DERPC: variants seen among roughly 807,000 people sequenced by gnomAD.
The protein encoded by DERPC is DERPC proline and glycine rich nuclear protein.
DERPC carries 1 observed loss-of-function variant against 7.2 expected under a neutral mutation model. The ratio of observed to expected loss-of-function variants is 0.14; its 90% confidence interval spans 0.05 to 0.66. DERPC has a LOEUF of 0.66. Among genes scored for constraint, DERPC ranks in the 30% least tolerant of loss-of-function variants. The pLI, the probability that DERPC is intolerant of heterozygous loss-of-function variation, is 0.84. For synonymous variants in DERPC, 185 were observed against 117.6 expected, an observed-to-expected ratio of 1.57 and a Z score of -3.71; for missense variants, 502 against 299.4, an observed-to-expected ratio of 1.68 and a Z score of -4.99.
intron 1 of DERPC, among the ~76,000 whole-genome samples, chr16:69,127,239 CAAA>C (rs532264036): frequency 1.3e-4 from 14 of 108,800 alleles, no homozygotes; most frequent in Middle Eastern, 4.9e-3. Context: ...AACTCCGTCT[CAAA>C]AAAAAAAAAA....
intron 1 of DERPC, among the ~76,000 whole-genome samples, chr16:69,128,686 C>G (rs1312974570): frequency 6.6e-6 from 1 of 152,214 alleles, no homozygotes; most frequent in Non-Finnish European, 1.5e-5. Flanking sequence ...AACTAAAAAG[C>G]TTTGGCTGTA....
chr16:69,119,421 C>T lies in DERPC; in HGVS notation c.1008G>A (p.Arg336=), dbSNP rs1034897285. ...LPGPNPSPMS[R]APGPIGPNSA... is the part of the protein sequence containing the mutation. The stretch of plus-strand genomic sequence containing the variant: ...AATTAGGGCCTATGGGGCCAGGAGC[C>T]CTTGACATGGGAGATGGATTTGGCC... The change falls in exon 3 of 3, where the codon AGG becomes AGA. Residue 336 remains arginine, a synonymous_variant. Coordinates refer to ENST00000519520, the MANE Select transcript of DERPC (RefSeq NM_001002847.4). 1 of 702,920 alleles carries T rather than the reference C, an allele frequency of 1.4e-6. No individual in the cohort carries two copies. The highest frequency in any genetic ancestry group is 2.6e-6 in the Non-Finnish European group (1 of 384,974). The allele number at this position is 702,920 out of a possible 1,614,324, so 43.5% of individuals were successfully genotyped here.
At chr16:69,126,926 A>G (rs1025936754) in intron 1 of DERPC, among the ~76,000 whole-genome samples, 4 of 152,174 alleles carry the variant, frequency 2.6e-5, no homozygotes, top group East Asian at 3.8e-4. Context: ...CAGGGAGTAT[A>G]TATTTCATTC....
In DERPC at chr16:69,120,402, T is replaced by G; in HGVS notation, c.27A>C (p.Arg9Ser). 1 of 1,613,090 alleles carries G rather than the reference T, an allele frequency of 6.2e-7. No homozygotes were observed. The highest frequency in any genetic ancestry group is 8.5e-7 in the Non-Finnish European group (1 of 1,179,072). The change falls in exon 3 of 3, where the codon AGA (arginine) becomes AGC (serine). Residue 9 changes from arginine (R) to serine (S), a missense_variant. Coordinates refer to ENST00000519520, the MANE Select transcript of DERPC (RefSeq NM_001002847.4). This position sits in a 1 kb window ranked among gnomAD's most constrained non-coding sequence, Gnocchi z 4.0. MKEPRIFP[R>S]ERPTPWTRAP... ...CACGAGTCCAAGGAGTTGGCCGCTC[T>G]CTAGGGAAAATCCGAGGTTCTTTCA...
rs970761465 is a variant in DERPC, at chr16:69,127,212, T to C, written c.-280+5272A>G. 7.5e-4 allele frequency among the ~76,000 whole-genome samples: 110 copies of C among 147,142 alleles called. 1 individual carries two copies. The highest frequency in any genetic ancestry group is 1.2e-3 in the Admixed American group (17 of 14,532). ...GAGATTGCGCCACCACACTCCAGCC[T>C]GGGCAACAAAGAGCAAAACTCCGTC... On this transcript the variant is annotated intron_variant, in intron 1 of 2. Transcript: ENST00000519520.
intron 1 of DERPC, chr16:69,132,132 C>T: frequency 6.4e-6 from 1 of 155,810 alleles, no homozygotes; most frequent in Non-Finnish European, 1.4e-5. Flanking sequence ...GTCCTCCGCC[C>T]GCGCTCGGCC....
rs533543523 is a variant in DERPC, at chr16:69,118,901, C to G, written c.1528G>C (p.Gly510Arg). 1 of 703,142 alleles carries G rather than the reference C, an allele frequency of 1.4e-6. No homozygotes were observed. Among genetic ancestry groups the G allele is most frequent in the Admixed American group, 2.0e-5 (1 of 50,026 alleles). The allele number at this position is 703,142 out of a possible 1,614,324, so 43.6% of individuals were successfully genotyped here. A position where few individuals can be genotyped will look rare whatever the true frequency, so the allele number is the denominator to read the frequency against. ...GGGTACATTGCAGCCATTGGACCCC[C>G]TGGTCTGGGGAAAGCAGCTGGGTTT... is the stretch of plus-strand genomic sequence containing the variant. ...GTNPAAFPRP[G>R]GPMAAMYPNG... The change falls in exon 3 of 3, where the codon GGG becomes CGG. Residue 510 changes from glycine to arginine, a missense_variant. Physicochemically the swap from Gly to Arg is moderately radical, Grantham distance 125 (BLOSUM62 -2). Transcript: ENST00000519520.
intron 1 of DERPC, among the ~76,000 whole-genome samples, chr16:69,121,855 G>C (rs907103878): frequency 7.9e-5 from 12 of 152,172 alleles, no homozygotes; most frequent in African/African-American, 2.9e-4. Flanking sequence ...ATTTTTAGTA[G>C]AGATGGGGTT....
At position 69,120,487 on chromosome 16, in the gene DERPC, C is replaced by G. The variant is rs1597108750; in HGVS notation, c.-59G>C. 1.9e-6 allele frequency: 3 copies of G among 1,614,106 alleles called. No homozygotes were observed. The highest frequency in any genetic ancestry group is 2.2e-5 in the South Asian group (2 of 91,082). ...GGGCGGGTTTTGAAAAGGATCTTGT[C>G]TTTGATGAGTGCTGTCACCAGGTAC... On this transcript the variant is annotated 5_prime_UTR_variant, in exon 3 of 3. Transcript: ENST00000519520. The surrounding 1 kb of genome is among the most constrained non-coding windows in gnomAD (Gnocchi z 4.0).
rs1043187131 is a variant in DERPC at position 69,119,047 on chromosome 16, G to A, written c.1382C>T (p.Pro461Leu). 1.7e-5 allele frequency: 12 copies of A among 702,950 alleles called. No individual in the cohort carries two copies. Among genetic ancestry groups the A allele is most frequent in the South Asian group, 7.4e-5 (5 of 67,596 alleles). 43.5% of individuals were successfully genotyped at this position (702,950 alleles called of 1,614,324 possible). The change falls in exon 3 of 3, where the codon CCA becomes CTA. Residue 461 changes from proline to leucine, a missense_variant. Pro to Leu is a moderately conservative substitution (Grantham distance 98). Coordinates refer to ENST00000519520, the MANE Select transcript of DERPC (RefSeq NM_001002847.4). ...PSPAGPVGIN[P>L]APFTRPTGTL... ...CCCAGTTGGCCTTGTGAAAGGAGCT[G>A]GGTTGATACCCACAGGGCCAGCTGG... is the stretch of plus-strand genomic sequence containing the variant.
rs759592830 is a variant in DERPC at position 69,120,653 on chromosome 16, T to C, written c.-221-4A>G. On this transcript the variant is annotated splice_region_variant and splice_polypyrimidine_tract_variant and intron_variant, in intron 2 of 2. Transcript: ENST00000519520. The surrounding 1 kb of genome is among the most constrained non-coding windows in gnomAD (Gnocchi z 4.0). ...CCACGATCAGCACAGGGATTCCCTT[T>C]GGCAGAACAAGAACGAGATTCCTGA... 1.3e-5 allele frequency: 21 copies of C among 1,604,338 alleles called. 1 individual carries two copies. In the South Asian group the frequency reaches 2.1e-4, roughly 16 times the overall value.
At chr16:69,130,904 G>A (rs902122625) in intron 1 of DERPC, among the ~76,000 whole-genome samples, 1 of 152,128 alleles carries the variant, frequency 6.6e-6, no homozygotes, top group Admixed American at 6.5e-5. Context: ...ACTGCTTCAG[G>A]GATTAAGTTC....
chr16:69,124,422 GA>G (rs1489461675), intron 1 of DERPC, among the ~76,000 whole-genome samples: 1 of 151,984 alleles, frequency 6.6e-6, no homozygotes, highest in Non-Finnish European at 1.5e-5. Flanking sequence ...ATGTTAAACA[GA>G]TTTTTTTTTT....
chr16:69,119,612 G>A lies in DERPC; in HGVS notation c.817C>T (p.Leu273Phe), dbSNP rs1961464451. ...LNLRMAGPQG[L>F]DLAPILRAAG... is the part of the protein sequence containing the mutation. ...GCTCTTAGAATGGGGGCAAGATCGAGGCCTTGAGGTCCAGCCATTCTTAAG... is the reference window on the plus strand; with the variant it reads ...GCTCTTAGAATGGGGGCAAGATCGAAGCCTTGAGGTCCAGCCATTCTTAAG... The change falls in exon 3 of 3, where the codon CTC becomes TTC. Residue 273 changes from leucine (L) to phenylalanine (F), a missense_variant. Leu to Phe is a conservative substitution (Grantham distance 22). Coordinates refer to ENST00000519520, the MANE Select transcript of DERPC (RefSeq NM_001002847.4). 1 of 695,522 alleles carries A rather than the reference G, an allele frequency of 1.4e-6. No individual in the cohort carries two copies. The highest frequency in any genetic ancestry group is 2.6e-6 in the Non-Finnish European group (1 of 380,674). The allele number at this position is 695,522 out of a possible 1,614,324, so 43.1% of individuals were successfully genotyped here. A position where few individuals can be genotyped will look rare whatever the true frequency, so the allele number is the denominator to read the frequency against.
intron 1 of DERPC, chr16:69,131,286 G>A (rs2152273956): frequency 6.6e-6 from 1 of 152,236 alleles, no homozygotes; most frequent in Non-Finnish European, 1.5e-5. Context: ...ACGTTGGAGG[G>A]AATCAATTAC....
At position 69,132,545 on chromosome 16, in the gene DERPC, C is replaced by CCGCCGT. The variant is rs1325547360; in HGVS notation, c.-347_-342dup. ...CAACGGGCGACAACCGAACCTCCCG[C>CCGCCGT]CGCCGTCGCCGCCGCCGCGAGCACT... On this transcript the variant is annotated 5_prime_UTR_variant, in exon 1 of 3. Coordinates refer to ENST00000519520, the MANE Select transcript of DERPC (RefSeq NM_001002847.4). 8.3e-6 allele frequency: 3 copies of CCGCCGT among 359,986 alleles called. No homozygotes were observed. Among genetic ancestry groups the CCGCCGT allele is most frequent in the South Asian group, 1.9e-5 (1 of 53,198 alleles). The allele number at this position is 359,986 out of a possible 1,614,324, so 22.3% of individuals were successfully genotyped here. A position where few individuals can be genotyped will look rare whatever the true frequency, so the allele number is the denominator to read the frequency against.
In DERPC at chr16:69,120,725, C is replaced by A; in HGVS notation, c.-221-76G>T. ...CACTCAGGCGCCTCCTAAAGCTGCT[C>A]TTGGCAGGCTATGCTGGCACCTCCA... On this transcript the variant is annotated intron_variant, in intron 2 of 2. Coordinates refer to ENST00000519520, the MANE Select transcript of DERPC (RefSeq NM_001002847.4). The surrounding 1 kb of genome is among the most constrained non-coding windows in gnomAD (Gnocchi z 4.0). 1 of 1,302,252 alleles carries A rather than the reference C, an allele frequency of 7.7e-7. No homozygotes were observed. The highest frequency in any genetic ancestry group is 1.3e-5 in the South Asian group (1 of 74,934). The allele number at this position is 1,302,252 out of a possible 1,614,324, so 80.7% of individuals were successfully genotyped here.
chr16:69,120,442 C>A lies in DERPC; in HGVS notation c.-14G>T, dbSNP rs752702742. Reference sequence around the variant, plus strand: ...AGGTTCTTTCATACTTTCTTGGGGACGCTGGTGATAATGGGCTTGGGGCGG... The same window carrying A: ...AGGTTCTTTCATACTTTCTTGGGGAAGCTGGTGATAATGGGCTTGGGGCGG... On this transcript the variant is annotated 5_prime_UTR_variant, in exon 3 of 3. Coordinates refer to ENST00000519520, the MANE Select transcript of DERPC (RefSeq NM_001002847.4). The surrounding 1 kb of genome is among the most constrained non-coding windows in gnomAD (Gnocchi z 4.0). 1.2e-6 allele frequency: 2 copies of A among 1,614,064 alleles called. No homozygotes were observed. Among genetic ancestry groups the A allele is most frequent in the African/African-American group, 1.3e-5 (1 of 75,024 alleles).
intron 1 of DERPC, among the ~76,000 whole-genome samples, chr16:69,122,812 G>A (rs1280098702): frequency 6.6e-6 from 1 of 152,068 alleles, no homozygotes; most frequent in African/African-American, 2.4e-5. Flanking sequence ...AAAGTGCTGG[G>A]ATTACAGGCG....
Sources: gnomAD v4.1 joint callset for allele counts (sites outside exome capture counted in the v4.1 genomes callset) on GRCh38, gnomAD v4.1.1 for gene constraint, Gnocchi (gnomAD v3.1) non-coding constraint, MANE v1.5 for transcripts, NCBI Gene and HGNC (gene_info 2026-07-23, HGNC 2026-07-21) for gene names.